The following GPATCH1 variants were observed in gnomAD, a reference collection of about 807,000 sequenced individuals.
GPATCH1 encodes G-patch domain containing 1.
GPATCH1 carries 73 observed loss-of-function variants against 114.9 expected under a neutral mutation model. The ratio of observed to expected loss-of-function variants is 0.64; its 90% CI spans 0.53 to 0.77. The LOEUF (loss-of-function observed/expected upper bound fraction) is 0.77. Ranked by LOEUF, GPATCH1 falls within the 30% of genes least tolerant of loss-of-function variation. The pLI, the probability that GPATCH1 is intolerant of heterozygous loss-of-function variation, is 0.00. For synonymous variants in GPATCH1, 391 were observed against 428.4 expected (o/e 0.91, Z 1.08); for missense variants, 1,058 against 1,144.3 (o/e 0.92, Z 1.09).
chr19:33,106,150 C>G (rs867504791), intron 9 of GPATCH1, among the ~76,000 whole-genome samples: 19 of 151,970 alleles, frequency 1.3e-4, no homozygotes, highest in African/African-American at 4.6e-4. Context: ...TTCCCGGCCC[C>G]AACTATTATT....
Position 33,081,408 on chromosome 19 carries a change from G to T in GPATCH1, c.73+142G>T, listed in dbSNP as rs979053196. ...CACGGCGACGAGGGAGGCGTTAGCC[G>T]CGCTCTCGGGGTGCTCACCTTCTGC... On this transcript the variant is annotated intron_variant, in intron 1 of 19. Transcript: ENST00000170564. The T allele has an allele frequency of 8.1e-6, 6 of 743,342 alleles. No homozygotes were observed. In the African/African-American group the frequency reaches 1.0e-4, roughly 13 times the overall value. The allele number at this position is 743,342 out of a possible 1,614,324, so 46.0% of individuals were successfully genotyped here.
intron 3 of GPATCH1, 99 bp downstream of exon 3, chr19:33,090,964 T>A: frequency 1.4e-6 from 1 of 714,156 alleles, no homozygotes; most frequent in Non-Finnish European, 2.5e-6. Context: ...AATGTACGAT[T>A]TCCTCTTTGT....
chr19:33,084,806 G>T (rs919938386), intron 1 of GPATCH1, among the ~76,000 whole-genome samples: 19 of 152,034 alleles, frequency 1.2e-4, no homozygotes, highest in African/African-American at 4.6e-4. Flanking sequence ...GCTTACAGGC[G>T]CATGCCACCA....
In GPATCH1 at chr19:33,088,228, T is replaced by G; in HGVS notation, c.168T>G (p.Gly56=). 6.2e-7 allele frequency: 1 copy of G among 1,606,348 alleles called. No individual in the cohort carries two copies. Among genetic ancestry groups the G allele is most frequent in the Admixed American group, 1.7e-5 (1 of 59,412 alleles). Residue 56 remains glycine, a synonymous_variant, in exon 2 of 20, where the codon GGT becomes GGG. Coordinates refer to ENST00000170564, the MANE Select transcript of GPATCH1 (RefSeq NM_018025.3). ...YKRFHGAFSG[G]FSAGYFNTVG... Reference sequence around the variant, plus strand: ...GATTCCACGGGGCCTTTAGTGGAGGTTTCTCTGCTGGATACTTCAATACTG... The same window carrying G: ...GATTCCACGGGGCCTTTAGTGGAGGGTTCTCTGCTGGATACTTCAATACTG...
intron 19 of GPATCH1, among the ~76,000 whole-genome samples, chr19:33,127,060 G>A (rs555781259): frequency 3.4e-4 from 52 of 152,106 alleles, no homozygotes; most frequent in Non-Finnish European, 6.2e-4. Flanking sequence ...TGTTGAGCCC[G>A]GGAGTTGGAG....
rs1180889648 is a variant in GPATCH1, at chr19:33,106,745, C to T, written c.1131C>T (p.Phe377=). Residue 377 remains phenylalanine, a synonymous_variant, in exon 10 of 20, where the codon TTC becomes TTT. Transcript: ENST00000170564. ...LPRDYRPVHY[F]RPMVAATSEN... Reference sequence around the variant, plus strand: ...GAGACTATCGACCAGTGCATTATTTCAGACCCATGGTGGCCGCCACCTCCG... The same window carrying T: ...GAGACTATCGACCAGTGCATTATTTTAGACCCATGGTGGCCGCCACCTCCG... The T allele has an allele frequency of 6.2e-7, 1 of 1,613,866 alleles. No homozygotes were observed. The highest frequency in any genetic ancestry group is 1.3e-5 in the African/African-American group (1 of 74,904).
Position 33,090,770 on chromosome 19 carries a change from T to C in GPATCH1, c.209-10T>C, listed in dbSNP as rs767515599. The C allele has an allele frequency of 4.4e-6, 7 of 1,592,506 alleles. No individual in the cohort carries two copies. The highest frequency in any genetic ancestry group is 3.3e-5 in the Admixed American group (2 of 59,906). On this transcript the variant is annotated splice_polypyrimidine_tract_variant and intron_variant, in intron 2 of 19. Coordinates refer to ENST00000170564, the MANE Select transcript of GPATCH1 (RefSeq NM_018025.3). ...TAGGATTGTAAAGTTCTAAACTCTT[T>C]TTTTTTCAGGATGGACACCCTCTAC...
intron 6 of GPATCH1, 61 bp downstream of exon 6, chr19:33,095,881 T>C: frequency 8.2e-7 from 1 of 1,220,372 alleles, no homozygotes; most frequent in Non-Finnish European, 1.2e-6. Context: ...TGTATGACTG[T>C]GAAATTTGGT....
intron 9 of GPATCH1, among the ~76,000 whole-genome samples, chr19:33,102,070 A>G (rs571359266): frequency 4.7e-5 from 7 of 150,012 alleles, no homozygotes; most frequent in African/African-American, 1.5e-4. Flanking sequence ...GTGGTGGCTC[A>G]CGCCTGTAAT....
At chr19:33,084,912 C>T (rs1391620732) in intron 1 of GPATCH1, among the ~76,000 whole-genome samples, 1 of 152,160 alleles carries the variant, frequency 6.6e-6, no homozygotes, top group African/African-American at 2.4e-5. Context: ...CCGCCCGCCT[C>T]GGCCTCCCAA....
chr19:33,118,492 T>C (rs1349345810), intron 16 of GPATCH1, among the ~76,000 whole-genome samples: 1 of 152,190 alleles, frequency 6.6e-6, no homozygotes, highest in African/African-American at 2.4e-5. Flanking sequence ...TTCCAGACTT[T>C]TAAAATTTTT....
chr19:33,100,756 C>G (rs1402534496), intron 8 of GPATCH1, among the ~76,000 whole-genome samples: 1 of 149,900 alleles, frequency 6.7e-6, no homozygotes, highest in Non-Finnish European at 1.5e-5. Flanking sequence ...TGTGAAAGAG[C>G]TTTTGATGGT....
rs1049550031 is a variant in GPATCH1 at position 33,090,685 on chromosome 19, T to G, written c.209-95T>G. 3 of 731,808 alleles carry G rather than the reference T, an allele frequency of 4.1e-6. No individual in the cohort carries two copies. In the African/African-American group the frequency reaches 5.2e-5, roughly 13 times the overall value. The allele number at this position is 731,808 out of a possible 1,614,324, so 45.3% of individuals were successfully genotyped here. A position where few individuals can be genotyped will look rare whatever the true frequency, so the allele number is the denominator to read the frequency against. On this transcript the variant is annotated intron_variant, in intron 2 of 19. Transcript: ENST00000170564. The stretch of plus-strand genomic sequence containing the variant: ...GGAAGTAGCTAAGAGTTTATAGTTA[T>G]TGGGAATTTCAAGTCCATACATGTT...
chr19:33,118,151 A>T, intron 16 of GPATCH1, 110 bp downstream of exon 16: 1 of 639,358 alleles, frequency 1.6e-6, no homozygotes, highest in Non-Finnish European at 2.7e-6. Flanking sequence ...GCAATCAATG[A>T]TATGTAATCT....
Position 33,124,050 on chromosome 19 carries a change from C to T in GPATCH1, c.2522-1055C>T, listed in dbSNP as rs563267670. Among the ~76,000 whole-genome samples, 5 of 152,072 alleles carry T rather than the reference C, an allele frequency of 3.3e-5. No homozygotes were observed. In the South Asian group the frequency reaches 1.0e-3, roughly 32 times the overall value. Reference sequence around the variant, plus strand: ...TGCATTTTTAATAGAGACAGGGTTTCACCGTGTTGGCCAAGCTGATTTTGA... The same window carrying T: ...TGCATTTTTAATAGAGACAGGGTTTTACCGTGTTGGCCAAGCTGATTTTGA... On this transcript the variant is annotated intron_variant, in intron 17 of 19. Transcript: ENST00000170564.
At chr19:33,113,569 G>A in intron 13 of GPATCH1, 198 bp from the exon 14 acceptor site, 1 of 526,728 alleles carries the variant, frequency 1.9e-6, no homozygotes. Flanking sequence ...TTAAATTCTT[G>A]TCCTTATCAT....
At chr19:33,103,495 G>GT (rs1157112834) in intron 9 of GPATCH1, among the ~76,000 whole-genome samples, 1 of 152,140 alleles carries the variant, frequency 6.6e-6, no homozygotes, top group Non-Finnish European at 1.5e-5. Flanking sequence ...GAGGTCAGGA[G>GT]TTCGAGACCA....
chr19:33,089,363 C>G (rs1206566407), intron 2 of GPATCH1, among the ~76,000 whole-genome samples: 4 of 152,178 alleles, frequency 2.6e-5, no homozygotes, highest in African/African-American at 9.7e-5. Context: ...CCTCAGTGCT[C>G]TCTACCTGGG....
rs1265587580 is a variant in GPATCH1, at chr19:33,101,537, G to A, written c.1043G>A (p.Gly348Glu). ...DLRYVGKILD[G>E]FSLASKPLSS... Reference sequence around the variant, plus strand: ...CGGTACGTTGGCAAAATTTTGGATGGATTTTCCTTGGCTTCTAAACCTTTA... The same window carrying A: ...CGGTACGTTGGCAAAATTTTGGATGAATTTTCCTTGGCTTCTAAACCTTTA... The change falls in exon 9 of 20, where the codon GGA becomes GAA. Residue 348 changes from glycine to glutamate, a missense_variant. Transcript: ENST00000170564. The A allele has an allele frequency of 6.2e-7, 1 of 1,603,458 alleles. No individual in the cohort carries two copies. Among genetic ancestry groups the A allele is most frequent in the African/African-American group, 1.3e-5 (1 of 74,708 alleles).
Sources: gnomAD v4.1 joint callset for allele counts (sites outside exome capture counted in the v4.1 genomes callset) on GRCh38, gnomAD v4.1.1 for gene constraint, MANE v1.5 for transcripts, NCBI Gene and HGNC (gene_info 2026-07-23, HGNC 2026-07-21) for gene names.